JAKMIP1: variants seen among roughly 807,000 people sequenced by gnomAD.
The protein encoded by JAKMIP1 is janus kinase and microtubule interacting protein 1, also known as janus kinase and microtubule-interacting protein 1.
In JAKMIP1, 33 loss-of-function variants were observed where a neutral mutation model predicts 113.0. The ratio of observed to expected loss-of-function variants is 0.29; its 90% CI spans 0.22 to 0.39. The LOEUF (loss-of-function observed/expected upper bound fraction) is 0.39, where lower values mean the gene tolerates loss of function less well. Among genes scored for constraint, JAKMIP1 ranks in the 10% least tolerant of loss-of-function variants. The pLI, the probability that JAKMIP1 is intolerant of heterozygous loss-of-function variation, is 1.00. For synonymous variants in JAKMIP1, 480 were observed against 459.9 expected (o/e 1.04, Z -0.56); for missense variants, 813 against 1,080.5 (o/e 0.75, Z 3.47).
chr4:6,112,106 TCAG>T (rs1715029678), intron 2 of JAKMIP1, among the ~76,000 whole-genome samples: 1 of 152,228 alleles, frequency 6.6e-6, no homozygotes. Flanking sequence ...CCTGCTGAAT[TCAG>T]CCTGAGGATG....
rs1254679916 is a variant in JAKMIP1 at position 6,197,290 on chromosome 4, G to A, written c.-148+2963C>T. ...ATACCTCTCAGCCCACCACAATGGT[G>A]GCCACTGCTCTGATCATTAGTTTCA... On this transcript the variant is annotated intron_variant, in intron 1 of 20. Transcript: ENST00000409021. This position sits in a 1 kb window ranked among gnomAD's most constrained non-coding sequence, Gnocchi z 6.5. Among the ~76,000 whole-genome samples the A allele has an allele frequency of 6.6e-6, 1 of 152,136 alleles. No homozygotes were observed. Among genetic ancestry groups the A allele is most frequent in the Non-Finnish European group, 1.5e-5 (1 of 68,032 alleles).
chr4:6,068,115 G>A (rs1358003584), intron 8 of JAKMIP1, among the ~76,000 whole-genome samples: 3 of 152,164 alleles, frequency 2.0e-5, no homozygotes, highest in Admixed American at 1.3e-4. Flanking sequence ...GGCTCTGCAG[G>A]ACTACCAGTT....
intron 3 of JAKMIP1, among the ~76,000 whole-genome samples, chr4:6,090,892 T>C (rs889447630): frequency 4.6e-5 from 7 of 152,000 alleles, no homozygotes; most frequent in Non-Finnish European, 5.9e-5. Context: ...ACGTTGACCA[T>C]GACGTCCTTA....
At chr4:6,062,192 CCCA>C (rs1717381585) in intron 10 of JAKMIP1, 117 bp downstream of exon 10, 1 of 1,091,966 alleles carries the variant, frequency 9.2e-7, no homozygotes, top group African/African-American at 1.5e-5. Flanking sequence ...CTATGGGTTC[CCCA>C]CCACCTCTCA....
chr4:6,084,840 A>G lies in JAKMIP1; in HGVS notation c.954+6T>C, dbSNP rs375695350. The G allele has an allele frequency of 1.1e-5, 17 of 1,611,640 alleles. No individual in the cohort carries two copies. Among genetic ancestry groups the G allele is most frequent in the African/African-American group, 4.0e-5 (3 of 74,698 alleles). On this transcript the variant is annotated splice_donor_region_variant and intron_variant, in intron 5 of 20. Transcript: ENST00000409021. Reference sequence around the variant, plus strand: ...GAGGCACCGCCTGTCTCTTGGGGCTACTTACCAGTTCATTCCTCTCATCTG... The same window carrying G: ...GAGGCACCGCCTGTCTCTTGGGGCTGCTTACCAGTTCATTCCTCTCATCTG...
Position 6,045,289 on chromosome 4 carries a change from G to C in JAKMIP1, c.2029-3062C>G, listed in dbSNP as rs917142440. Among the ~76,000 whole-genome samples, 12 of 152,332 alleles carry C rather than the reference G, an allele frequency of 7.9e-5. No individual in the cohort carries two copies. The East Asian group carries it at 1.5e-3, about 20-fold the overall frequency. Reference sequence around the variant, plus strand: ...TCCACTTTGAACTTGAGGGAGAAGAGATATGACTGCTATGATTTATAAACC... The same window carrying C: ...TCCACTTTGAACTTGAGGGAGAAGACATATGACTGCTATGATTTATAAACC... On this transcript the variant is annotated intron_variant, in intron 16 of 20. Transcript: ENST00000409021.
At position 6,089,325 on chromosome 4, in the gene JAKMIP1, C is replaced by T. The variant is rs1231989390; in HGVS notation, c.625-3696G>A. 6.6e-6 allele frequency among the ~76,000 whole-genome samples: 1 copy of T among 152,254 alleles called. No homozygotes were observed. The highest frequency in any genetic ancestry group is 1.5e-5 in the Non-Finnish European group (1 of 68,048). On this transcript the variant is annotated intron_variant, in intron 3 of 20. Coordinates refer to ENST00000409021, the MANE Select transcript of JAKMIP1 (RefSeq NM_001099433.2). The surrounding 1 kb of genome is among the most constrained non-coding windows in gnomAD (Gnocchi z 5.3). ...AGCTGGTTTGATGGAATTTCTGTCA[C>T]TTGCGACCAAAAGAATCACAATCAA...
At chr4:6,063,669 T>C (rs995499604) in intron 9 of JAKMIP1, among the ~76,000 whole-genome samples, 2 of 152,152 alleles carry the variant, frequency 1.3e-5, no homozygotes, top group African/African-American at 2.4e-5. Flanking sequence ...CACCTTGGGG[T>C]TGAATGTGCC....
chr4:6,105,871 G>A lies in JAKMIP1; in HGVS notation c.226C>T (p.Leu76=). 3.1e-6 allele frequency: 5 copies of A among 1,612,154 alleles called. No homozygotes were observed. Among genetic ancestry groups the A allele is most frequent in the Non-Finnish European group, 4.2e-6 (5 of 1,179,874 alleles). Residue 76 remains leucine (L), a synonymous_variant, in exon 3 of 21, where the codon CTG becomes TTG. Transcript: ENST00000409021. ...TAYISELKAK[L]HEEKTKELQA... Reference sequence around the variant, plus strand: ...AGCTCCTTGGTCTTCTCCTCATGCAGCTTGGCCTTGAGCTCCGAAATGTAG... The same window carrying A: ...AGCTCCTTGGTCTTCTCCTCATGCAACTTGGCCTTGAGCTCCGAAATGTAG...
rs1403772759 is a variant in JAKMIP1, at chr4:6,178,113, G to A, written c.-148+22140C>T. ...CTTCCTGTCCCCGACCCTCCTCCCT[G>A]GAGGGGAGGGATAGGAAAGAAGGAA... On this transcript the variant is annotated intron_variant, in intron 1 of 20. Coordinates refer to ENST00000409021, the MANE Select transcript of JAKMIP1 (RefSeq NM_001099433.2). The surrounding 1 kb of genome is among the most constrained non-coding windows in gnomAD (Gnocchi z 5.5). Among the ~76,000 whole-genome samples the A allele has an allele frequency of 6.6e-6, 1 of 152,156 alleles. No homozygotes were observed. Among genetic ancestry groups the A allele is most frequent in the African/African-American group, 2.4e-5 (1 of 41,436 alleles).
In JAKMIP1 at chr4:6,049,690, G is replaced by T; in HGVS notation, c.1962+129C>A. The T allele has an allele frequency of 1.4e-6, 1 of 718,744 alleles. No individual in the cohort carries two copies. Among genetic ancestry groups the T allele is most frequent in the Non-Finnish European group, 2.4e-6 (1 of 420,936 alleles). The allele number at this position is 718,744 out of a possible 1,614,324, so 44.5% of individuals were successfully genotyped here. ...CACACAGGAACACGGCCATACAAAAGCCTTACATTGTACTTCTTAGATCTC... is the reference window on the plus strand; with the variant it reads ...CACACAGGAACACGGCCATACAAAATCCTTACATTGTACTTCTTAGATCTC... On this transcript the variant is annotated intron_variant, in intron 15 of 20. Coordinates refer to ENST00000409021, the MANE Select transcript of JAKMIP1 (RefSeq NM_001099433.2). The surrounding 1 kb of genome is among the most constrained non-coding windows in gnomAD (Gnocchi z 7.0).
Position 6,167,554 on chromosome 4 carries a change from T to C in JAKMIP1, c.-148+32699A>G, listed in dbSNP as rs1437903934. Among the ~76,000 whole-genome samples the C allele has an allele frequency of 6.6e-6, 1 of 152,226 alleles. No individual in the cohort carries two copies. The highest frequency in any genetic ancestry group is 2.4e-5 in the African/African-American group (1 of 41,450). On this transcript the variant is annotated intron_variant, in intron 1 of 20. Coordinates refer to ENST00000409021, the MANE Select transcript of JAKMIP1 (RefSeq NM_001099433.2). This position sits in a 1 kb window ranked among gnomAD's most constrained non-coding sequence, Gnocchi z 5.3. ...GCTTTGAAGGGCCCATGCTTAGTGC[T>C]CTTCTGATGCCATCTTGAAATTCTT...
Position 6,142,323 on chromosome 4 carries a change from C to A in JAKMIP1, c.-147-29326G>T, listed in dbSNP as rs992676924. 4.6e-5 allele frequency among the ~76,000 whole-genome samples: 7 copies of A among 152,274 alleles called. No homozygotes were observed. The East Asian group carries it at 1.4e-3, about 29-fold the overall frequency. On this transcript the variant is annotated intron_variant, in intron 1 of 20. Coordinates refer to ENST00000409021, the MANE Select transcript of JAKMIP1 (RefSeq NM_001099433.2). The surrounding 1 kb of genome is among the most constrained non-coding windows in gnomAD (Gnocchi z 5.5). Reference sequence around the variant, plus strand: ...AGGCTCGTACCCATGTATGCCCGCACAGGCAGGGGAAAGGGAGCCCCCGGG... The same window carrying A: ...AGGCTCGTACCCATGTATGCCCGCAAAGGCAGGGGAAAGGGAGCCCCCGGG...
In JAKMIP1 at chr4:6,065,338, G is replaced by A. The variant is rs1289216622; in HGVS notation, c.1303-330C>T. On this transcript the variant is annotated intron_variant, in intron 8 of 20. Transcript: ENST00000409021. The surrounding 1 kb of genome is among the most constrained non-coding windows in gnomAD (Gnocchi z 5.1). ...AATGGATTGAGAAGCCACCTCACCT[G>A]TGAGCACAAAAGGGGGCCATGCATG... Among the ~76,000 whole-genome samples, 1 of 152,216 alleles carries A rather than the reference G, an allele frequency of 6.6e-6. No homozygotes were observed. Among genetic ancestry groups the A allele is most frequent in the Admixed American group, 6.5e-5 (1 of 15,280 alleles).
Position 6,141,458 on chromosome 4 carries a change from C to A in JAKMIP1, c.-147-28461G>T, listed in dbSNP as rs545010001. The stretch of plus-strand genomic sequence containing the variant: ...CTCAAAATAAATAAATAAATAAATA[C>A]CAAAAAACAAACAAACAAACACAAA... On this transcript the variant is annotated intron_variant, in intron 1 of 20. Transcript: ENST00000409021. The surrounding 1 kb of genome is among the most constrained non-coding windows in gnomAD (Gnocchi z 9.4). 6.6e-6 allele frequency among the ~76,000 whole-genome samples: 1 copy of A among 151,910 alleles called. No homozygotes were observed. Among genetic ancestry groups the A allele is most frequent in the African/African-American group, 2.4e-5 (1 of 41,478 alleles).
chr4:6,177,190 A>T (rs923219117), intron 1 of JAKMIP1, among the ~76,000 whole-genome samples: 4 of 152,220 alleles, frequency 2.6e-5, no homozygotes, highest in African/African-American at 9.6e-5. Context: ...CCCAAAGGGA[A>T]AAAACACTTA....
rs1481609120 is a variant in JAKMIP1 at position 6,054,103 on chromosome 4, G to T, written c.1753C>A (p.Gln585Lys). The T allele has an allele frequency of 8.1e-6, 13 of 1,614,026 alleles. No individual in the cohort carries two copies. Among genetic ancestry groups the T allele is most frequent in the Non-Finnish European group, 1.1e-5 (13 of 1,179,980 alleles). Reference sequence around the variant, plus strand: ...AGCTCGTTCTGATCCTTGGCGTCTTGCATTTCATTCTTCAGCTGGTTCTCT... The same window carrying T: ...AGCTCGTTCTGATCCTTGGCGTCTTTCATTTCATTCTTCAGCTGGTTCTCT... ...MEENQLKNEM[Q>K]DAKDQNELLE... The change falls in exon 13 of 21, where the codon CAA becomes AAA. Residue 585 changes from glutamine (Q) to lysine (K), a missense_variant. This residue lies in a region of JAKMIP1 where 273 missense variants were observed against 426.6 expected (regional missense o/e 0.64). Transcript: ENST00000409021.
At chr4:6,196,754 G>A (rs1424276568) in intron 1 of JAKMIP1, among the ~76,000 whole-genome samples, 4 of 152,178 alleles carry the variant, frequency 2.6e-5, no homozygotes, top group African/African-American at 9.6e-5. Flanking sequence ...CCAGCTACTT[G>A]GGAGGCTGAG....
chr4:6,140,491 C>T lies in JAKMIP1; in HGVS notation c.-147-27494G>A, dbSNP rs1412078538. ...TGGGGGTCAGTGATTCGTGGTCCCC[C>T]CGATCAGCTTAAGGCCCCTTCCAAT... On this transcript the variant is annotated intron_variant, in intron 1 of 20. Coordinates refer to ENST00000409021, the MANE Select transcript of JAKMIP1 (RefSeq NM_001099433.2). This position sits in a 1 kb window ranked among gnomAD's most constrained non-coding sequence, Gnocchi z 9.4. Among the ~76,000 whole-genome samples the T allele has an allele frequency of 1.3e-5, 2 of 152,052 alleles. No homozygotes were observed. Among genetic ancestry groups the T allele is most frequent in the Non-Finnish European group, 2.9e-5 (2 of 68,020 alleles).
Sources: gnomAD v4.1 joint callset for allele counts (sites outside exome capture counted in the v4.1 genomes callset) on GRCh38, gnomAD v4.1.1 for gene constraint, gnomAD v4.1.1 regional missense constraint, Gnocchi (gnomAD v3.1) non-coding constraint, MANE v1.5 for transcripts, NCBI Gene and HGNC (gene_info 2026-07-23, HGNC 2026-07-21) for gene names.